The following CTDP1 variants were observed in gnomAD, a reference collection of about 807,000 sequenced individuals.
The protein encoded by CTDP1 is RNA polymerase II subunit A C-terminal domain phosphatase.
Under a neutral mutation model 91.8 loss-of-function variants are expected in CTDP1, and 47 were observed. That is an observed-to-expected ratio of 0.51 (90% CI 0.41 to 0.65). The LOEUF is 0.65. CTDP1 is among the 30% of genes least tolerant of loss of function. The probability of loss-of-function intolerance (pLI) is 0.00; values close to 1 mark genes in which losing one functional copy is unlikely to be tolerated. For synonymous variants in CTDP1, 656 were observed against 598.5 expected (o/e 1.10, Z -1.40); for missense variants, 1,272 against 1,373.7 (o/e 0.93, Z 1.17).
At chr18:79,687,840 G>T (rs190984424) in intron 1 of CTDP1, among the ~76,000 whole-genome samples, 126 of 152,346 alleles carry the variant, frequency 8.3e-4, no homozygotes, top group African/African-American at 2.3e-3. Flanking sequence ...TTTCCTTGCA[G>T]GTCTGTTTAC....
chr18:79,753,990 A>G lies in CTDP1; in HGVS notation c.*200A>G, dbSNP rs1296215475. On this transcript the variant is annotated 3_prime_UTR_variant, in exon 13 of 13. Coordinates refer to ENST00000613122, the MANE Select transcript of CTDP1 (RefSeq NM_004715.5). Reference sequence around the variant, plus strand: ...TTACTACAGGAATGTCTACTTTTGTAAGTGACAGGTGTTAAAGGCCCAGGT... The same window carrying G: ...TTACTACAGGAATGTCTACTTTTGTGAGTGACAGGTGTTAAAGGCCCAGGT... 3 of 757,258 alleles carry G rather than the reference A, an allele frequency of 4.0e-6. No individual in the cohort carries two copies. The highest frequency in any genetic ancestry group is 6.3e-6 in the Non-Finnish European group (3 of 478,760). 46.9% of individuals were successfully genotyped at this position (757,258 alleles called of 1,614,324 possible). A position where few individuals can be genotyped will look rare whatever the true frequency, so the allele number is the denominator to read the frequency against.
chr18:79,732,649 G>T (rs997012638), intron 11 of CTDP1, among the ~76,000 whole-genome samples: 18 of 143,220 alleles, frequency 1.3e-4, no homozygotes, highest in African/African-American at 4.7e-4. Context: ...CACGTGAGAC[G>T]TAAGAACTCA....
chr18:79,690,014 A>G (rs1459096969), intron 1 of CTDP1, among the ~76,000 whole-genome samples: 1 of 151,812 alleles, frequency 6.6e-6, no homozygotes, highest in African/African-American at 2.4e-5. Context: ...CCATTCTCCA[A>G]CAAATCCTGC....
rs143157481 is a variant in CTDP1 at position 79,690,259 on chromosome 18, C to T, written c.315-4966C>T. ...GCCCTCTCTGATGTACCCATGCCCT[C>T]GGACCTCCCCTGAGAGAGCTGAGAG... is the stretch of plus-strand genomic sequence containing the variant. On this transcript the variant is annotated intron_variant, in intron 1 of 12. Transcript: ENST00000613122. Among the ~76,000 whole-genome samples, 691 of 152,246 alleles carry T rather than the reference C, an allele frequency of 4.5e-3. 9 individuals are homozygous for T. Among genetic ancestry groups the T allele is most frequent in the African/African-American group, 0.015 (607 of 41,502 alleles).
chr18:79,680,036 T>C lies in CTDP1; in HGVS notation c.89T>C (p.Leu30Pro). Residue 30 changes from leucine (L) to proline (P), a missense_variant, in exon 1 of 13, where the codon CTG (leucine) becomes CCG (proline). By Grantham distance (98) the Leu-to-Pro change is moderately conservative. This residue lies in a region of CTDP1 where 214 missense variants were observed against 179.1 expected (regional missense o/e 1.19). Transcript: ENST00000613122. ...GTGCGCTGCCCGGGGCCCGCGCCGC[T>C]GCGCCTGCTGGAGTGGAGGGTGGCG... ...AEVRCPGPAP[L>P]RLLEWRVAAG... 7.9e-7 allele frequency: 1 copy of C among 1,258,962 alleles called. No individual in the cohort carries two copies. 78.0% of individuals were successfully genotyped at this position (1,258,962 alleles called of 1,614,324 possible).
At chr18:79,683,334 T>TA in intron 1 of CTDP1, among the ~76,000 whole-genome samples, 2 of 152,364 alleles carry the variant, frequency 1.3e-5, no homozygotes, top group South Asian at 2.1e-4. Flanking sequence ...TATTGATCCT[T>TA]AGAGTACCCC....
chr18:79,684,009 T>G (rs2085431047), intron 1 of CTDP1, among the ~76,000 whole-genome samples: 1 of 152,262 alleles, frequency 6.6e-6, no homozygotes. Context: ...GGGAAGTATC[T>G]TTGAAAACAT....
rs1355074264 is a variant in CTDP1 at position 79,680,112 on chromosome 18, C to T, written c.165C>T (p.Ala55=). 2.1e-6 allele frequency: 3 copies of T among 1,418,384 alleles called. No individual in the cohort carries two copies. Among genetic ancestry groups the T allele is most frequent in the Non-Finnish European group, 2.8e-6 (3 of 1,086,486 alleles). The allele number at this position is 1,418,384 out of a possible 1,614,324, so 87.9% of individuals were successfully genotyped here. Residue 55 remains alanine (A), a synonymous_variant, in exon 1 of 13, where the codon GCC becomes GCT. Transcript: ENST00000613122. ...IGSVLAVFEA[A]ASAQSSGASQ... Reference sequence around the variant, plus strand: ...CGGTGCTGGCCGTGTTCGAGGCCGCCGCCTCCGCGCAGTCCTCCGGGGCCT... The same window carrying T: ...CGGTGCTGGCCGTGTTCGAGGCCGCTGCCTCCGCGCAGTCCTCCGGGGCCT...
intron 6 of CTDP1, among the ~76,000 whole-genome samples, chr18:79,711,763 C>A (rs1023204732): frequency 6.6e-6 from 1 of 152,262 alleles, no homozygotes; most frequent in African/African-American, 2.4e-5. Context: ...CCTGTCAGCT[C>A]CTCTGAGCCT....
intron 6 of CTDP1, 85 bp from the exon 7 acceptor site, chr18:79,712,887 G>T: frequency 6.9e-7 from 1 of 1,439,668 alleles, no homozygotes. Flanking sequence ...ATGTGGATTA[G>T]AATCTTAAAC....
intron 11 of CTDP1, among the ~76,000 whole-genome samples, chr18:79,733,505 C>G (rs1282852755): frequency 6.6e-6 from 1 of 152,210 alleles, no homozygotes; most frequent in African/African-American, 2.4e-5. Flanking sequence ...GAGCCGGCGT[C>G]CGCTGCCTCT....
chr18:79,753,517 G>T, intron 12 of CTDP1, 135 bp from the exon 13 acceptor site: 2 of 1,404,256 alleles, frequency 1.4e-6, no homozygotes, highest in Non-Finnish European at 2.0e-6. Context: ...TCGGTGGCCT[G>T]TGTGTGTCCT....
chr18:79,727,890 C>T (rs1200916002), intron 10 of CTDP1, among the ~76,000 whole-genome samples: 1 of 152,110 alleles, frequency 6.6e-6, no homozygotes, highest in Non-Finnish European at 1.5e-5. Flanking sequence ...GCCTTAAATT[C>T]CAGCAGTCAG....
intron 12 of CTDP1, among the ~76,000 whole-genome samples, chr18:79,743,122 C>G (rs1204971304): frequency 6.6e-6 from 1 of 152,194 alleles, no homozygotes; most frequent in Non-Finnish European, 1.5e-5. Flanking sequence ...GAGTGCTGAA[C>G]AAGAAGGTTG....
At chr18:79,726,047 A>G (rs1026139935) in intron 10 of CTDP1, among the ~76,000 whole-genome samples, 1 of 151,764 alleles carries the variant, frequency 6.6e-6, no homozygotes, top group Non-Finnish European at 1.5e-5. Context: ...TGGAAGGTTT[A>G]TGTCTTTTGA....
At position 79,715,988 on chromosome 18, in the gene CTDP1, G is replaced by A. The variant is rs576809033; in HGVS notation, c.2068+460G>A. 3.3e-5 allele frequency among the ~76,000 whole-genome samples: 5 copies of A among 152,234 alleles called. No homozygotes were observed. In the East Asian group the frequency reaches 5.8e-4, roughly 18 times the overall value. On this transcript the variant is annotated intron_variant, in intron 8 of 12. Transcript: ENST00000613122. The stretch of plus-strand genomic sequence containing the variant: ...AGGACAGGCCTGCTGTCTCCCGACG[G>A]TGAAACCTGTCCCGGACGGGGCAGG...
chr18:79,699,558 C>T (rs571892446), intron 4 of CTDP1, among the ~76,000 whole-genome samples: 18 of 152,058 alleles, frequency 1.2e-4, no homozygotes, highest in African/African-American at 3.9e-4. Context: ...CCACCGCGCC[C>T]GCCCAAGGTT....
Position 79,732,607 on chromosome 18 carries a change from A to G in CTDP1, c.2580+3538A>G, listed in dbSNP as rs1173997886. Among the ~76,000 whole-genome samples the G allele has an allele frequency of 4.3e-3, 642 of 148,150 alleles. 4 individuals carry two copies. The highest frequency in any genetic ancestry group is 0.015 in the African/African-American group (589 of 38,620). On this transcript the variant is annotated intron_variant, in intron 11 of 12. Coordinates refer to ENST00000613122, the MANE Select transcript of CTDP1 (RefSeq NM_004715.5). ...GAGTGCTCCCAAAATCACGTGAGAC[A>G]TGAGAACTAACATCAGGAGTGCTCC... is the stretch of plus-strand genomic sequence containing the variant.
chr18:79,725,561 ACTTTC>A (rs1267521283), intron 10 of CTDP1, among the ~76,000 whole-genome samples: 1 of 149,714 alleles, frequency 6.7e-6, no homozygotes, highest in African/African-American at 2.5e-5. Context: ...CTTATTTCGT[ACTTTC>A]CTTCTGCTTG....
Sources: gnomAD v4.1 joint callset for allele counts (sites outside exome capture counted in the v4.1 genomes callset) on GRCh38, gnomAD v4.1.1 for gene constraint, gnomAD v4.1.1 regional missense constraint, MANE v1.5 for transcripts, NCBI Gene and HGNC (gene_info 2026-07-23, HGNC 2026-07-21) for gene names.